RPH3A: variants seen among roughly 807,000 people sequenced by gnomAD.
RPH3A encodes rabphilin-3A.
A neutral mutation model predicts 102.2 loss-of-function variants in RPH3A; 48 were observed. That is an observed-to-expected ratio of 0.47 (90% CI 0.37 to 0.60). The LOEUF (loss-of-function observed/expected upper bound fraction) is 0.60, where lower values mean the gene tolerates loss of function less well. Among genes scored for constraint, RPH3A ranks in the 20% least tolerant of loss-of-function variants. The pLI is 0.00. For missense variants in RPH3A, 781 were observed against 910.1 expected (o/e 0.86, Z 1.83); for synonymous variants, 310 against 324.3 (o/e 0.96, Z 0.47).
intron 1 of RPH3A, among the ~76,000 whole-genome samples, chr12:112,711,870 T>C (rs1008011859): frequency 2.0e-5 from 3 of 152,224 alleles, no homozygotes; most frequent in African/African-American, 7.2e-5. Flanking sequence ...TTTGTTCTTG[T>C]TGCCCAGGCT....
chr12:112,847,715 G>T lies in RPH3A; in HGVS notation c.103G>T (p.Val35Phe), dbSNP rs142788762. 2.5e-6 allele frequency: 4 copies of T among 1,614,002 alleles called. No individual in the cohort carries two copies. Among genetic ancestry groups the T allele is most frequent in the Non-Finnish European group, 3.4e-6 (4 of 1,179,980 alleles). Reference protein sequence around the residue: ...DKEQLQAGWSVHPGGQPDRQR... With the variant: ...DKEQLQAGWSFHPGGQPDRQR... ...TTTCAGGCTCCAGGCAGGCTGGTCC[G>T]TCCACCCCGGTGGTCAGCCTGACAG... is the stretch of plus-strand genomic sequence containing the variant. Residue 35 changes from valine to phenylalanine, a missense_variant, in exon 5 of 22, where the codon GTC (valine) becomes TTC (phenylalanine). Val to Phe is a conservative substitution (Grantham distance 50, BLOSUM62 -1). Transcript: ENST00000389385.
chr12:112,734,029 T>C (rs1486790472), intron 1 of RPH3A, among the ~76,000 whole-genome samples: 1 of 152,166 alleles, frequency 6.6e-6, no homozygotes, highest in Non-Finnish European at 1.5e-5. Context: ...TTAGATATCT[T>C]ATTATTCTCA....
chr12:112,666,725 T>A (rs2136006468), intron 1 of RPH3A, among the ~76,000 whole-genome samples: 1 of 152,068 alleles, frequency 6.6e-6, no homozygotes, highest in Non-Finnish European at 1.5e-5. Context: ...AGAGGTAAAA[T>A]GGGGAAAGGG....
chr12:112,638,015 C>T (rs368767868), intron 1 of RPH3A, among the ~76,000 whole-genome samples: 3 of 151,778 alleles, frequency 2.0e-5, no homozygotes, highest in Non-Finnish European at 2.9e-5. Flanking sequence ...ACATTGGAGG[C>T]GGGGCCTAAT....
chr12:112,680,835 T>C (rs909670874), intron 1 of RPH3A, among the ~76,000 whole-genome samples: 4 of 152,210 alleles, frequency 2.6e-5, no homozygotes, highest in Admixed American at 2.0e-4. Context: ...TTTTTAATGC[T>C]GATAGCTTCC....
chr12:112,814,635 G>A (rs1555212377), intron 2 of RPH3A, among the ~76,000 whole-genome samples: 4 of 152,140 alleles, frequency 2.6e-5, no homozygotes, highest in Non-Finnish European at 5.9e-5. Flanking sequence ...ATTAAAGGGA[G>A]AACATCTGGG....
chr12:112,827,663 T>C (rs2041901224), intron 2 of RPH3A, among the ~76,000 whole-genome samples: 1 of 152,042 alleles, frequency 6.6e-6, no homozygotes, highest in Admixed American at 6.5e-5. Flanking sequence ...CATTTTCTGA[T>C]AGCTTGGATG....
chr12:112,579,038 A>G (rs1309795513), intron 1 of RPH3A, among the ~76,000 whole-genome samples: 1 of 152,204 alleles, frequency 6.6e-6, no homozygotes, highest in Non-Finnish European at 1.5e-5. Context: ...GATTAAAGCT[A>G]TCGTGCCTGG....
At chr12:112,784,633 A>G (rs1041826689) in intron 1 of RPH3A, among the ~76,000 whole-genome samples, 3 of 152,206 alleles carry the variant, frequency 2.0e-5, no homozygotes, top group Admixed American at 2.0e-4. Context: ...CTGGGCCGTG[A>G]GAACTCAGAA....
intron 4 of RPH3A, among the ~76,000 whole-genome samples, chr12:112,846,770 T>C (rs1030830861): frequency 3.3e-5 from 5 of 152,112 alleles, no homozygotes; most frequent in Admixed American, 1.3e-4. Context: ...ATGGTGTTAG[T>C]GGAGAGGATA....
At chr12:112,845,966 C>G (rs2042221734) in intron 4 of RPH3A, among the ~76,000 whole-genome samples, 1 of 152,046 alleles carries the variant, frequency 6.6e-6, no homozygotes, top group South Asian at 2.1e-4. Flanking sequence ...GCAGGGGGAA[C>G]AGCAAGTGCA....
At chr12:112,656,219 T>C (rs561966869) in intron 1 of RPH3A, among the ~76,000 whole-genome samples, 2 of 152,338 alleles carry the variant, frequency 1.3e-5, no homozygotes, top group East Asian at 3.9e-4. Context: ...TTATTATAGA[T>C]TCAGGGGGCA....
At chr12:112,808,010 A>G (rs896871784) in intron 2 of RPH3A, among the ~76,000 whole-genome samples, 2 of 152,126 alleles carry the variant, frequency 1.3e-5, no homozygotes, top group Non-Finnish European at 2.9e-5. Context: ...ACTATCCCCT[A>G]GTGTCTGGCA....
At chr12:112,815,718 C>T (rs1003104746) in intron 2 of RPH3A, among the ~76,000 whole-genome samples, 3 of 152,102 alleles carry the variant, frequency 2.0e-5, no homozygotes, top group Admixed American at 2.0e-4. Flanking sequence ...CAGCCAGGGG[C>T]CATTAAGCTA....
chr12:112,576,783 C>CAGA lies in RPH3A; in HGVS notation c.-140+1465_-140+1466insGAA, dbSNP rs376378926. Among the ~76,000 whole-genome samples the CAGA allele has an allele frequency of 1.1e-3, 163 of 150,748 alleles. 1 individual carries two copies. Among genetic ancestry groups the CAGA allele is most frequent in the African/African-American group, 3.9e-3 (159 of 41,040 alleles). ...GCTATACAATAAAAATGACAGTGTT[C>CAGA]ACACTGGTCTTACTCTTGTCAGGGC... is the stretch of plus-strand genomic sequence containing the variant. On this transcript the variant is annotated intron_variant, in intron 1 of 21. Transcript: ENST00000543106.
chr12:112,876,767 C>A lies in RPH3A; in HGVS notation c.1072C>A (p.Gln358Lys). 1 of 1,612,618 alleles carries A rather than the reference C, an allele frequency of 6.2e-7. No homozygotes were observed. Among genetic ancestry groups the A allele is most frequent in the African/African-American group, 1.3e-5 (1 of 74,968 alleles). The change falls in exon 13 of 22, where the codon CAA becomes AAA. Residue 358 changes from glutamine to lysine, a missense_variant. Physicochemically the swap from Gln to Lys is moderately conservative, Grantham distance 53 (BLOSUM62 1). Coordinates refer to ENST00000389385, the MANE Select transcript of RPH3A (RefSeq NM_001143854.2). ...RMSHPSGPYSQASAAAPQPAA... is the reference protein window; with the variant it reads ...RMSHPSGPYSKASAAAPQPAA... ...GAGCCACCCCTCCGGACCCTATTCCCAAGCATCTGCAGCTGCCCCCCAGCC... is the reference window on the plus strand; with the variant it reads ...GAGCCACCCCTCCGGACCCTATTCCAAAGCATCTGCAGCTGCCCCCCAGCC...
chr12:112,800,656 GA>G (rs1490305383), intron 2 of RPH3A, among the ~76,000 whole-genome samples: 3 of 152,186 alleles, frequency 2.0e-5, no homozygotes, highest in Non-Finnish European at 4.4e-5. Context: ...TAGCAGAGAA[GA>G]AGGTGGTGAC....
intron 5 of RPH3A, among the ~76,000 whole-genome samples, chr12:112,861,300 G>T (rs1020491075): frequency 6.6e-6 from 1 of 152,236 alleles, no homozygotes; most frequent in African/African-American, 2.4e-5. Flanking sequence ...CATGTTGAGG[G>T]TTCTTTGGGG....
At chr12:112,891,844 C>T (rs570412296) in intron 19 of RPH3A, among the ~76,000 whole-genome samples, 5 of 152,350 alleles carry the variant, frequency 3.3e-5, no homozygotes, top group African/African-American at 7.2e-5. Flanking sequence ...TGGTCAGTTA[C>T]GCTTCCTGTA....
Sources: gnomAD v4.1 joint callset for allele counts (sites outside exome capture counted in the v4.1 genomes callset) on GRCh38, gnomAD v4.1.1 for gene constraint, MANE v1.5 for transcripts, NCBI Gene and HGNC (gene_info 2026-07-23, HGNC 2026-07-21) for gene names.